The following CELF4 variants were observed in gnomAD, a reference collection of about 807,000 sequenced individuals.
CELF4 encodes the protein CUGBP Elav-like family member 4.
In CELF4, 18 loss-of-function variants were observed where a neutral mutation model predicts 59.9. The observed-to-expected ratio is 0.30, with a 90% CI of 0.21 to 0.45. The LOEUF is 0.45. Among genes scored for constraint, CELF4 ranks in the 20% least tolerant of loss-of-function variants. The pLI, the probability that CELF4 is intolerant of heterozygous loss-of-function variation, is 1.00. For synonymous variants in CELF4, 261 were observed against 267.1 expected (o/e 0.98, Z 0.22); for missense variants, 456 against 689.0 (o/e 0.66, Z 3.79).
chr18:37,293,578 C>T (rs2095472564), intron 3 of CELF4, among the ~76,000 whole-genome samples: 1 of 152,050 alleles, frequency 6.6e-6, no homozygotes, highest in South Asian at 2.1e-4. Flanking sequence ...TGGGTGGATG[C>T]AAATTTGGGG....
chr18:37,421,689 C>T (rs551725358), intron 2 of CELF4, among the ~76,000 whole-genome samples: 1 of 152,344 alleles, frequency 6.6e-6, no homozygotes, highest in African/African-American at 2.4e-5. Context: ...ATAAACAGAT[C>T]GGAGGCTCAG....
chr18:37,508,396 C>T (rs2099940586), intron 1 of CELF4, among the ~76,000 whole-genome samples: 1 of 152,214 alleles, frequency 6.6e-6, no homozygotes, highest in Non-Finnish European at 1.5e-5. Flanking sequence ...ATTTGCTGTG[C>T]TAATTGCCTG....
chr18:37,325,502 C>A (rs2097277863), intron 2 of CELF4, among the ~76,000 whole-genome samples: 1 of 152,220 alleles, frequency 6.6e-6, no homozygotes, highest in Non-Finnish European at 1.5e-5. Context: ...AGGCAGCCAG[C>A]CCACTGTCCT....
At chr18:37,390,525 G>A (rs1026782329) in intron 2 of CELF4, among the ~76,000 whole-genome samples, 8 of 152,042 alleles carry the variant, frequency 5.3e-5, no homozygotes, top group East Asian at 1.9e-4. Flanking sequence ...TGTTGACTGC[G>A]GCACTCCTAC....
intron 2 of CELF4, among the ~76,000 whole-genome samples, chr18:37,461,128 C>T (rs1427092894): frequency 6.6e-5 from 10 of 152,230 alleles, no homozygotes; most frequent in Non-Finnish European, 1.3e-4. Flanking sequence ...CAGGAGCCAC[C>T]CCACAGAAGC....
chr18:37,389,610 G>A (rs1419492184), intron 2 of CELF4, among the ~76,000 whole-genome samples: 3 of 152,040 alleles, frequency 2.0e-5, no homozygotes, highest in Non-Finnish European at 4.4e-5. Context: ...TGGGGGAGGT[G>A]GGAAGCATAG....
chr18:37,536,411 TC>T (rs2099973525), intron 1 of CELF4, among the ~76,000 whole-genome samples: 1 of 152,138 alleles, frequency 6.6e-6, no homozygotes, highest in African/African-American at 2.4e-5. Context: ...CTTTGTACTT[TC>T]CTGTCTCCCC....
chr18:37,424,982 T>C (rs2099602841), intron 2 of CELF4, among the ~76,000 whole-genome samples: 1 of 152,204 alleles, frequency 6.6e-6, no homozygotes, highest in Non-Finnish European at 1.5e-5. Flanking sequence ...ACCCGCACAG[T>C]GCTCTCTGGC....
intron 2 of CELF4, among the ~76,000 whole-genome samples, chr18:37,361,871 G>A (rs1231662023): frequency 1.4e-5 from 2 of 138,670 alleles, no homozygotes; most frequent in African/African-American, 5.2e-5. Flanking sequence ...AGGGGGGCGG[G>A]GGATTCCTTC....
intron 10 of CELF4, among the ~76,000 whole-genome samples, chr18:37,262,486 G>C (rs1279852127): frequency 6.6e-6 from 1 of 152,184 alleles, no homozygotes; most frequent in Admixed American, 6.5e-5. Context: ...TGGGATGGTG[G>C]AGTGTAGGGT....
At chr18:37,394,201 G>C (rs2099208757) in intron 2 of CELF4, among the ~76,000 whole-genome samples, 1 of 152,296 alleles carries the variant, frequency 6.6e-6, no homozygotes, top group Non-Finnish European at 1.5e-5. Context: ...GAGATGGCTC[G>C]GCAGCCGCCA....
At chr18:37,359,384 C>G (rs2098662670) in intron 2 of CELF4, among the ~76,000 whole-genome samples, 1 of 152,176 alleles carries the variant, frequency 6.6e-6, no homozygotes, top group South Asian at 2.1e-4. Flanking sequence ...CTCTGTCACC[C>G]AGGCTGGAGT....
chr18:37,275,516 A>C, intron 3 of CELF4: 6 of 441,364 alleles, frequency 1.4e-5, no homozygotes, highest in South Asian at 4.8e-5. Context: ...GATCGCAGCG[A>C]CTCGGCCTCC....
At chr18:37,444,264 G>T (rs2099741487) in intron 2 of CELF4, among the ~76,000 whole-genome samples, 1 of 152,068 alleles carries the variant, frequency 6.6e-6, no homozygotes, top group Admixed American at 6.5e-5. Context: ...CCCCTGTGTG[G>T]GTAGGGGTGG....
Position 37,565,717 on chromosome 18 carries a change from A to G in CELF4, c.-76T>C, listed in dbSNP as rs80342515. The stretch of plus-strand genomic sequence containing the variant: ...CTCTCTCTCGCTCGCTCGCGCTCAC[A>G]CACGCACACGCATACACACACTCGG... On this transcript the variant is annotated 5_prime_UTR_variant, in exon 1 of 13. Coordinates refer to ENST00000420428, the MANE Select transcript of CELF4 (RefSeq NM_020180.4). 1.1e-6 allele frequency: 1 copy of G among 880,532 alleles called. No individual in the cohort carries two copies. The highest frequency in any genetic ancestry group is 2.8e-5 in the Admixed American group (1 of 35,948). 54.5% of individuals were successfully genotyped at this position (880,532 alleles called of 1,614,324 possible). A position where few individuals can be genotyped will look rare whatever the true frequency, so the allele number is the denominator to read the frequency against.
chr18:37,317,113 G>A (rs1290086522), intron 3 of CELF4, among the ~76,000 whole-genome samples: 1 of 152,180 alleles, frequency 6.6e-6, no homozygotes, highest in Non-Finnish European at 1.5e-5. Flanking sequence ...CCGGCCGGGC[G>A]CGGTGGCTTA....
chr18:37,556,531 T>C (rs72893124), intron 1 of CELF4, among the ~76,000 whole-genome samples: 11,033 of 152,242 alleles, frequency 0.072, 663 homozygotes, highest in Admixed American at 0.19. Context: ...TTTTTGTGCT[T>C]GTGTGTGTTT....
chr18:37,417,223 G>A (rs2154593147), intron 2 of CELF4, among the ~76,000 whole-genome samples: 1 of 152,308 alleles, frequency 6.6e-6, no homozygotes, highest in East Asian at 1.9e-4. Flanking sequence ...AGATAGGGCT[G>A]CTTGGGAGCT....
At chr18:37,490,899 T>C (rs897101562) in intron 1 of CELF4, among the ~76,000 whole-genome samples, 3 of 152,142 alleles carry the variant, frequency 2.0e-5, no homozygotes, top group African/African-American at 7.2e-5. Flanking sequence ...CACCAGCTCA[T>C]AATGGAGTCT....
Sources: allele counts gnomAD v4.1 joint callset (sites outside exome capture counted in the v4.1 genomes callset), GRCh38; gene constraint gnomAD v4.1.1; transcripts MANE v1.5; gene names NCBI Gene and HGNC (gene_info 2026-07-23, HGNC 2026-07-21).